The following MILR1 variants were observed in gnomAD, a reference collection of about 807,000 sequenced individuals.
The protein encoded by MILR1 is allergin-1.
In MILR1, 31 loss-of-function variants were observed where a neutral mutation model predicts 18.5. The ratio of observed to expected loss-of-function variants is 1.68; its 90% confidence interval spans 1.26 to 2.26. MILR1 has a LOEUF of 2.26. Among genes scored for constraint, MILR1 ranks in the 30% most tolerant of loss-of-function variants. The pLI is 0.00. For missense variants in MILR1, 257 were observed against 157.4 expected (o/e 1.63, Z -3.38); for synonymous variants, 85 against 56.2 (o/e 1.51, Z -2.30).
the MILR1 span, among the ~76,000 whole-genome samples, chr17:64,483,184 G>GC: frequency 6.6e-6 from 1 of 152,222 alleles, no homozygotes; most frequent in East Asian, 1.9e-4. Flanking sequence ...ATATTCAGCT[G>GC]CCCCCCAGAT....
the MILR1 span, among the ~76,000 whole-genome samples, chr17:64,478,276 A>G: frequency 6.6e-6 from 1 of 151,266 alleles, no homozygotes; most frequent in Non-Finnish European, 1.5e-5. Flanking sequence ...TCACAGAAGA[A>G]CCGCATAATA....
chr17:64,493,128 C>A, the MILR1 span: 1 of 1,248,406 alleles, frequency 8.0e-7, no homozygotes, highest in Non-Finnish European at 1.2e-6. Flanking sequence ...AGCATAAAGA[C>A]AGATGTTGGC....
chr17:64,483,341 T>C, the MILR1 span, among the ~76,000 whole-genome samples: 1 of 151,638 alleles, frequency 6.6e-6, no homozygotes, highest in Non-Finnish European at 1.5e-5. Context: ...CGGTGAAAAC[T>C]TCTCTCTACC....
intron 5 of MILR1, among the ~76,000 whole-genome samples, chr17:64,463,793 G>A (rs2037483535): frequency 6.7e-6 from 1 of 149,722 alleles, no homozygotes; most frequent in African/African-American, 2.5e-5. Flanking sequence ...TGGGAATACA[G>A]GTATGCACCA....
Position 64,464,262 on chromosome 17 carries a change from G to A in MILR1, c.764-1190G>A, listed in dbSNP as rs1354706910. On this transcript the variant is annotated intron_variant, in intron 5 of 9. Transcript: ENST00000619286. ...TACCTGAGTAGTTGGGACCACAGGCGCGCACCACCATGCCTGGCTAATTTT... is the reference window on the plus strand; with the variant it reads ...TACCTGAGTAGTTGGGACCACAGGCACGCACCACCATGCCTGGCTAATTTT... 3.3e-5 allele frequency among the ~76,000 whole-genome samples: 5 copies of A among 149,772 alleles called. 1 individual carries two copies. The East Asian group carries it at 5.9e-4, about 18-fold the overall frequency.
chr17:64,464,954 G>C (rs2037518110), intron 5 of MILR1, among the ~76,000 whole-genome samples: 2 of 151,814 alleles, frequency 1.3e-5, no homozygotes, highest in African/African-American at 4.8e-5. Flanking sequence ...TGGGCATGGT[G>C]GTGCACAACT....
chr17:64,463,662 A>T (rs1248890896), intron 5 of MILR1, among the ~76,000 whole-genome samples: 2 of 151,888 alleles, frequency 1.3e-5, no homozygotes, highest in African/African-American at 4.8e-5. Context: ...ATGCATCTTT[A>T]AGATTTTATT....
the MILR1 span, among the ~76,000 whole-genome samples, chr17:64,489,417 A>T: frequency 2.0e-5 from 3 of 151,876 alleles, no homozygotes; most frequent in African/African-American, 7.3e-5. Flanking sequence ...TCATCGTAGT[A>T]ACTGATTTGA....
Position 64,449,190 on chromosome 17 carries a change from C to T in MILR1, c.22C>T (p.Leu8Phe), listed in dbSNP as rs956267658. ...GAGAATGTGGAGCCATTTGAACAGGCTCCTCTTCTGGAGCATATTTTCTTC... is the reference window on the plus strand; with the variant it reads ...GAGAATGTGGAGCCATTTGAACAGGTTCCTCTTCTGGAGCATATTTTCTTC... The part of the protein sequence containing the change: MWSHLNR[L>F]LFWSIFSSVT... Residue 8 changes from leucine (L) to phenylalanine (F), a missense_variant, in exon 1 of 10, where the codon CTC (leucine) becomes TTC (phenylalanine). Coordinates refer to ENST00000619286, the MANE Select transcript of MILR1 (RefSeq NM_001085423.2). 3.0e-5 allele frequency: 14 copies of T among 472,100 alleles called. No individual in the cohort carries two copies. The highest frequency in any genetic ancestry group is 6.4e-5 in the Admixed American group (2 of 31,328). 29.2% of individuals were successfully genotyped at this position (472,100 alleles called of 1,614,324 possible).
At chr17:64,490,135 G>A in the MILR1 span, among the ~76,000 whole-genome samples, 1 of 152,114 alleles carries the variant, frequency 6.6e-6, no homozygotes, top group Non-Finnish European at 1.5e-5. Context: ...ACATTGGCCA[G>A]GATGGTCTCA....
chr17:64,478,831 A>G, the MILR1 span, among the ~76,000 whole-genome samples: 1 of 152,110 alleles, frequency 6.6e-6, no homozygotes, highest in Non-Finnish European at 1.5e-5. Flanking sequence ...CGGGAGGCAG[A>G]GGTTGCACTA....
the MILR1 span, among the ~76,000 whole-genome samples, chr17:64,489,085 GCA>G: frequency 6.8e-6 from 1 of 146,912 alleles, no homozygotes; most frequent in South Asian, 2.1e-4. Context: ...GAGTGCAGCA[GCA>G]CAGTCTTGGC....
chr17:64,489,119 T>C, the MILR1 span, among the ~76,000 whole-genome samples: 1 of 149,430 alleles, frequency 6.7e-6, no homozygotes, highest in Non-Finnish European at 1.5e-5. Flanking sequence ...CCTGGAACAA[T>C]ATATTGCTAC....
At chr17:64,491,820 C>G in the MILR1 span, 1 of 456,580 alleles carries the variant, frequency 2.2e-6, no homozygotes, top group Admixed American at 3.2e-5. Flanking sequence ...CCCCAGCAAC[C>G]TTCTTGGCTG....
chr17:64,456,671 A>T (rs899109625), intron 3 of MILR1, among the ~76,000 whole-genome samples: 1 of 152,036 alleles, frequency 6.6e-6, no homozygotes, highest in Non-Finnish European at 1.5e-5. Flanking sequence ...ATTAGCCAGC[A>T]GTGTGCACCT....
chr17:64,485,307 G>A, the MILR1 span: 1 of 188,018 alleles, frequency 5.3e-6, no homozygotes, highest in Non-Finnish European at 1.1e-5. Flanking sequence ...TAGCTCCTCT[G>A]ATCCAGGAAC....
At chr17:64,466,777 G>GTGTGCCTGCATT in intron 8 of MILR1, 115 bp downstream of exon 8, 2 of 849,314 alleles carry the variant, frequency 2.4e-6, no homozygotes, top group Non-Finnish European at 3.7e-6. Context: ...GAGCAATGCA[G>GTGTGCCTGCATT]GCACACTGCA....
rs988852934 is a variant in MILR1, at chr17:64,454,647, G to A, written c.367+1781G>A. Among the ~76,000 whole-genome samples the A allele has an allele frequency of 2.7e-4, 41 of 152,246 alleles. No homozygotes were observed. The South Asian group carries it at 5.8e-3, about 22-fold the overall frequency. ...TCCAGAGAAATGCTCATAAAACTAC[G>A]TATACAAATTTCTGCATAAGGTTTT... On this transcript the variant is annotated intron_variant, in intron 3 of 9. Transcript: ENST00000619286.
chr17:64,494,753 T>C, the MILR1 span, among the ~76,000 whole-genome samples: 18 of 152,212 alleles, frequency 1.2e-4, no homozygotes, highest in Admixed American at 1.0e-3. Flanking sequence ...CCTTTTTATA[T>C]GACCCATTAG....
Sources: gnomAD v4.1 joint callset for allele counts (sites outside exome capture counted in the v4.1 genomes callset) on GRCh38, gnomAD v4.1.1 for gene constraint, MANE v1.5 for transcripts, NCBI Gene and HGNC (gene_info 2026-07-23, HGNC 2026-07-21) for gene names.